NOP58: variants seen among roughly 807,000 people sequenced by gnomAD.
NOP58 encodes the protein nucleolar protein 58.
NOP58 carries 44 observed loss-of-function variants against 71.2 expected under a neutral mutation model. The observed-to-expected ratio is 0.62, with a 90% CI of 0.49 to 0.79. The LOEUF is 0.79. Among genes scored for constraint, NOP58 ranks in the 30% least tolerant of loss-of-function variants. The pLI is 0.00. For missense variants in NOP58, 538 were observed against 620.2 expected (o/e 0.87, Z 1.41); for synonymous variants, 228 against 200.3 (o/e 1.14, Z -1.17).
At chr2:202,274,071 T>G (rs1688548748) in intron 1 of NOP58, among the ~76,000 whole-genome samples, 1 of 152,172 alleles carries the variant, frequency 6.6e-6, no homozygotes, top group African/African-American at 2.4e-5. Flanking sequence ...TAAAGTACCC[T>G]ATGTTTCTTT....
At chr2:202,292,142 T>A (rs1192421450) in intron 8 of NOP58, among the ~76,000 whole-genome samples, 2 of 150,778 alleles carry the variant, frequency 1.3e-5, no homozygotes, top group Non-Finnish European at 3.0e-5. Flanking sequence ...TACAAGCACG[T>A]GCCACCATGC....
intron 1 of NOP58, among the ~76,000 whole-genome samples, chr2:202,266,244 T>A (rs1688413984): frequency 6.6e-6 from 1 of 152,140 alleles, no homozygotes; most frequent in Non-Finnish European, 1.5e-5. Flanking sequence ...TGTTAGAATT[T>A]AACAGATTAT....
intron 3 of NOP58, chr2:202,278,438 T>C (rs1364504219): frequency 2.9e-6 from 1 of 348,074 alleles, no homozygotes; most frequent in Non-Finnish European, 5.7e-6. Flanking sequence ...AAAGCTCTTC[T>C]GGGGGTATAG....
At position 202,290,386 on chromosome 2, in the gene NOP58, G is replaced by C; in HGVS notation, c.563G>C (p.Gly188Ala). 6.2e-7 allele frequency: 1 copy of C among 1,608,138 alleles called. No homozygotes were observed. Among genetic ancestry groups the C allele is most frequent in the Non-Finnish European group, 8.5e-7 (1 of 1,175,036 alleles). ...NYIMRCREWY[G>A]WHFPELGKII... ...ATTATGCGATGTAGAGAATGGTATG[G>C]CTGGCATTTCCCTGAATTAGGAAAA... Residue 188 changes from glycine (G) to alanine (A), a missense_variant, in exon 7 of 15, where the codon GGC (glycine) becomes GCC (alanine). Physicochemically the swap from Gly to Ala is moderately conservative, Grantham distance 60. Transcript: ENST00000264279.
intron 2 of NOP58, chr2:202,276,558 G>A (rs1467010181): frequency 2.2e-6 from 1 of 463,948 alleles, no homozygotes; most frequent in Non-Finnish European, 4.5e-6. Context: ...ACTACCCTGA[G>A]GCTGGGCGTG....
At chr2:202,267,813 C>T (rs1688442990) in intron 1 of NOP58, among the ~76,000 whole-genome samples, 1 of 152,156 alleles carries the variant, frequency 6.6e-6, no homozygotes, top group South Asian at 2.1e-4. Context: ...CGATGAATTA[C>T]TGATTTCTAT....
In NOP58 at chr2:202,269,729, A is replaced by G. The variant is rs1688484942; in HGVS notation, c.45+3743A>G. Among the ~76,000 whole-genome samples, 3 of 152,216 alleles carry G rather than the reference A, an allele frequency of 2.0e-5. No individual in the cohort carries two copies. The South Asian group carries it at 6.2e-4, about 32-fold the overall frequency. ...GCAGTGCAGCCTGGGCGACAGGGCAAGACTCCGTCTCAAAAAAAAGAAAAA... is the reference window on the plus strand; with the variant it reads ...GCAGTGCAGCCTGGGCGACAGGGCAGGACTCCGTCTCAAAAAAAAGAAAAA... On this transcript the variant is annotated intron_variant, in intron 1 of 14. Transcript: ENST00000264279.
At position 202,302,851 on chromosome 2, in the gene NOP58, A is replaced by C; in HGVS notation, c.1403-70A>C. The C allele has an allele frequency of 3.3e-6, 5 of 1,515,410 alleles. No individual in the cohort carries two copies. The South Asian group carries it at 5.3e-5, about 16-fold the overall frequency. The allele number at this position is 1,515,410 out of a possible 1,614,324, so 93.9% of individuals were successfully genotyped here. ...GAATGACAGAAAAAAACTAGGACTC[A>C]AACGTTTTTGGAAGGAATGAGATCT... On this transcript the variant is annotated intron_variant, in intron 13 of 14. Transcript: ENST00000264279.
In NOP58 at chr2:202,295,763, C is replaced by T. The variant is rs748623051; in HGVS notation, c.997C>T (p.Arg333Trp). The part of the protein sequence containing the change: ...KALFRALKSR[R>W]DTPKYGLIYH... Reference sequence around the variant, plus strand: ...ACTTTTCAGAGCCCTCAAATCTAGACGGGATACCCCTAAGTATGGTCTCAT... The same window carrying T: ...ACTTTTCAGAGCCCTCAAATCTAGATGGGATACCCCTAAGTATGGTCTCAT... Residue 333 changes from arginine to tryptophan, a missense_variant, in exon 10 of 15, where the codon CGG becomes TGG. Coordinates refer to ENST00000264279, the MANE Select transcript of NOP58 (RefSeq NM_015934.5). 19 of 1,611,582 alleles carry T rather than the reference C, an allele frequency of 1.2e-5. No homozygotes were observed. The highest frequency in any genetic ancestry group is 1.5e-5 in the Non-Finnish European group (18 of 1,179,022).
chr2:202,300,563 GAGA>G (rs1378994763), intron 13 of NOP58, among the ~76,000 whole-genome samples, 196 bp downstream of exon 13: 1 of 152,186 alleles, frequency 6.6e-6, no homozygotes, highest in Non-Finnish European at 1.5e-5. Flanking sequence ...GAGGAAATGT[GAGA>G]AGTTTAGTCA....
chr2:202,292,908 T>C lies in NOP58; in HGVS notation c.907+5T>C. 1 of 1,614,022 alleles carries C rather than the reference T, an allele frequency of 6.2e-7. No homozygotes were observed. The highest frequency in any genetic ancestry group is 8.5e-7 in the Non-Finnish European group (1 of 1,179,880). The stretch of plus-strand genomic sequence containing the variant: ...CACGGCTTATTGCTCATGCAGGTGA[T>C]GGTTTTAATGTAATTTGTAAATATG... On this transcript the variant is annotated splice_donor_5th_base_variant and intron_variant, in intron 9 of 14. Transcript: ENST00000264279.
intron 1 of NOP58, among the ~76,000 whole-genome samples, chr2:202,269,024 C>T (rs1311460496): frequency 6.6e-6 from 1 of 151,848 alleles, no homozygotes; most frequent in Admixed American, 6.6e-5. Context: ...GGGTCTTGCT[C>T]TGTCACCCAG....
chr2:202,274,704 G>A (rs1050887766), intron 1 of NOP58, among the ~76,000 whole-genome samples: 2 of 152,056 alleles, frequency 1.3e-5, no homozygotes, highest in Non-Finnish European at 2.9e-5. Context: ...GAAGGTTGCA[G>A]TGAGCCAGGA....
intron 9 of NOP58, among the ~76,000 whole-genome samples, chr2:202,294,177 A>G (rs553628837): frequency 5.9e-5 from 9 of 151,584 alleles, no homozygotes; most frequent in African/African-American, 1.7e-4. Context: ...AAATTACCCA[A>G]CCTTGGTGGC....
At chr2:202,284,700 T>C (rs1400499368) in intron 5 of NOP58, 1 of 467,096 alleles carries the variant, frequency 2.1e-6, no homozygotes, top group Admixed American at 3.8e-5. Flanking sequence ...CTGGCTCTAT[T>C]GTCTGGATTC....
At chr2:202,270,537 A>T (rs1422590572) in intron 1 of NOP58, among the ~76,000 whole-genome samples, 2 of 152,320 alleles carry the variant, frequency 1.3e-5, no homozygotes, top group East Asian at 3.9e-4. Context: ...TCACCCTAAC[A>T]CTTTGGGAGG....
chr2:202,280,347 G>C (rs1311428655), intron 3 of NOP58, among the ~76,000 whole-genome samples: 2 of 151,376 alleles, frequency 1.3e-5, no homozygotes, highest in Non-Finnish European at 2.9e-5. Flanking sequence ...TTTTGGAGAT[G>C]GAGTTTCATT....
At chr2:202,290,992 A>G (rs1193649293) in intron 7 of NOP58, 133 bp from the exon 8 acceptor site, 1 of 746,260 alleles carries the variant, frequency 1.3e-6, no homozygotes, top group South Asian at 2.3e-5. Context: ...TACTAGGTCA[A>G]ACTTCTTCAT....
intron 9 of NOP58, 126 bp downstream of exon 9, chr2:202,293,029 G>A (rs1488700484): frequency 2.0e-6 from 2 of 983,770 alleles, no homozygotes; most frequent in Non-Finnish European, 1.6e-6. Context: ...TAGATGATAT[G>A]TGGGAGATCA....
Sources: gnomAD v4.1 joint callset for allele counts (sites outside exome capture counted in the v4.1 genomes callset) on GRCh38, gnomAD v4.1.1 for gene constraint, MANE v1.5 for transcripts, NCBI Gene and HGNC (gene_info 2026-07-23, HGNC 2026-07-21) for gene names.